COL24A1: variants seen among roughly 807,000 people sequenced by gnomAD.
The protein encoded by COL24A1 is collagen type XXIV alpha 1 chain.
A neutral mutation model predicts 253.9 loss-of-function variants in COL24A1; 224 were observed. The ratio of observed to expected loss-of-function variants is 0.88; its 90% CI spans 0.79 to 0.99. The LOEUF is 0.99. Ranked by LOEUF, COL24A1 falls within the 50% of genes least tolerant of loss-of-function variation. COL24A1 has a pLI of 0.00. For missense variants in COL24A1, 2,131 were observed against 2,068.5 expected, an observed-to-expected ratio of 1.03 and a Z score of -0.59; for synonymous variants, 685 against 673.7, an observed-to-expected ratio of 1.02 and a Z score of -0.26.
intron 14 of COL24A1, among the ~76,000 whole-genome samples, chr1:86,028,476 A>G (rs1698252872): frequency 6.7e-6 from 1 of 150,274 alleles, no homozygotes; most frequent in African/African-American, 2.4e-5. Flanking sequence ...AGCATCTGGC[A>G]TTTCCCCTGT....
rs537632225 is a variant in COL24A1, at chr1:85,947,763, A to T, written c.2562+13486T>A. ...TAATCCAGGCTAATAACTATTTGTA[A>T]TTTTTTTCTCATATTATTAAAATGA... On this transcript the variant is annotated intron_variant, in intron 24 of 59. Coordinates refer to ENST00000370571, the MANE Select transcript of COL24A1 (RefSeq NM_152890.7). Among the ~76,000 whole-genome samples, 87 of 152,234 alleles carry T rather than the reference A, an allele frequency of 5.7e-4. 1 individual carries two copies. In the Middle Eastern group the frequency reaches 0.017, roughly 30 times the overall value.
chr1:85,804,869 T>A (rs1007353174), intron 47 of COL24A1, among the ~76,000 whole-genome samples: 2 of 151,904 alleles, frequency 1.3e-5, no homozygotes, highest in African/African-American at 2.4e-5. Context: ...TTTTTTTTTT[T>A]AGGATTTTGT....
chr1:85,982,202 G>A (rs80255601), intron 20 of COL24A1, among the ~76,000 whole-genome samples: 55 of 152,156 alleles, frequency 3.6e-4, no homozygotes, highest in African/African-American at 7.5e-4. Flanking sequence ...ATCTATAGGC[G>A]GTATGTAAAG....
chr1:86,060,401 G>A (rs12057842), intron 8 of COL24A1, among the ~76,000 whole-genome samples: 16,026 of 152,082 alleles, frequency 0.11, 916 homozygotes, highest in Middle Eastern at 0.2. Flanking sequence ...TGATATAATG[G>A]AAGATAATTG....
intron 7 of COL24A1, among the ~76,000 whole-genome samples, chr1:86,081,333 C>T (rs1702624751): frequency 6.6e-6 from 1 of 151,202 alleles, no homozygotes; most frequent in Non-Finnish European, 1.5e-5. Flanking sequence ...TTGAAAGTGT[C>T]ACTTCCTCTG....
At position 86,125,609 on chromosome 1, in the gene COL24A1, G is replaced by T; in HGVS notation, c.727C>A (p.Arg243Ser). ...TCAGGTTGGTATTTGTCTGCTTGGC[G>T]ACACTGCTGTTTCACATATCTGCAG... Reference protein sequence around the residue: ...DYCRYVKQQCRQADKYQPETS... With the variant: ...DYCRYVKQQCSQADKYQPETS... The change falls in exon 3 of 60, where the codon CGC (arginine) becomes AGC (serine). Residue 243 changes from arginine to serine, a missense_variant. Transcript: ENST00000370571. The T allele has an allele frequency of 6.2e-7, 1 of 1,613,230 alleles. No individual in the cohort carries two copies. The highest frequency in any genetic ancestry group is 1.1e-5 in the South Asian group (1 of 91,028).
chr1:86,021,159 C>A (rs1450694639), intron 18 of COL24A1, among the ~76,000 whole-genome samples: 1 of 152,092 alleles, frequency 6.6e-6, no homozygotes. Flanking sequence ...AGAGGGAACA[C>A]AATGAACTGC....
Position 85,972,297 on chromosome 1 carries a change from T to C in COL24A1, c.2365-904A>G, listed in dbSNP as rs181690026. Among the ~76,000 whole-genome samples, 360 of 148,110 alleles carry C rather than the reference T, an allele frequency of 2.4e-3. 1 individual carries two copies. Among genetic ancestry groups the C allele is most frequent in the Non-Finnish European group, 4.0e-3 (267 of 66,514 alleles). On this transcript the variant is annotated intron_variant, in intron 20 of 59. Coordinates refer to ENST00000370571, the MANE Select transcript of COL24A1 (RefSeq NM_152890.7). ...TCTACTCAGGTCACTTTTATCTTGTTCTGAAATGCAACAGAGTGACAAACT... is the reference window on the plus strand; with the variant it reads ...TCTACTCAGGTCACTTTTATCTTGTCCTGAAATGCAACAGAGTGACAAACT...
intron 18 of COL24A1, 25 bp downstream of exon 18, chr1:86,022,215 G>A (rs747764988): frequency 2.5e-6 from 4 of 1,608,136 alleles, no homozygotes; most frequent in Non-Finnish European, 3.4e-6. Context: ...CAATTACAAA[G>A]AGCAAAGCAA....
chr1:85,952,004 T>A (rs1004366683), intron 24 of COL24A1, among the ~76,000 whole-genome samples: 1 of 152,160 alleles, frequency 6.6e-6, no homozygotes, highest in Non-Finnish European at 1.5e-5. Context: ...GGTCAAAAAA[T>A]GCAATGCTGC....
intron 23 of COL24A1, among the ~76,000 whole-genome samples, chr1:85,961,622 A>G (rs1691074044): frequency 6.6e-6 from 1 of 152,180 alleles, no homozygotes; most frequent in Non-Finnish European, 1.5e-5. Flanking sequence ...ACACTGCTAT[A>G]AAGAACTACC....
intron 12 of COL24A1, among the ~76,000 whole-genome samples, chr1:86,045,237 G>A (rs1197396021): frequency 9.9e-5 from 15 of 152,174 alleles, no homozygotes; most frequent in African/African-American, 3.4e-4. Flanking sequence ...TGATCTGCCC[G>A]ACTCGGCCTC....
At chr1:85,867,312 T>C (rs1679899397) in intron 37 of COL24A1, among the ~76,000 whole-genome samples, 1 of 152,232 alleles carries the variant, frequency 6.6e-6, no homozygotes, top group African/African-American at 2.4e-5. Context: ...TTACTCATAA[T>C]TAGTTCCTCA....
chr1:86,138,032 G>T (rs1398420986), intron 2 of COL24A1, among the ~76,000 whole-genome samples: 2 of 152,016 alleles, frequency 1.3e-5, no homozygotes, highest in East Asian at 3.9e-4. Flanking sequence ...ACCTAATTTT[G>T]CTCCAGCCAA....
intron 14 of COL24A1, among the ~76,000 whole-genome samples, chr1:86,028,284 G>A (rs1051400692): frequency 3.3e-5 from 5 of 152,284 alleles, no homozygotes; most frequent in African/African-American, 1.2e-4. Context: ...TTTGGGAGGA[G>A]CCAGTGGCAG....
chr1:86,028,662 A>C (rs759134878), intron 14 of COL24A1, among the ~76,000 whole-genome samples: 30 of 152,260 alleles, frequency 2.0e-4, no homozygotes, highest in Non-Finnish European at 4.3e-4. Context: ...AGAATGGACT[A>C]ATACAGTTAT....
chr1:85,796,321 TA>T (rs1469958144), intron 47 of COL24A1, among the ~76,000 whole-genome samples: 1 of 152,110 alleles, frequency 6.6e-6, no homozygotes, highest in Non-Finnish European at 1.5e-5. Context: ...TTATCAATCC[TA>T]AAAAATAGTG....
intron 14 of COL24A1, among the ~76,000 whole-genome samples, chr1:86,025,505 C>T (rs921009077): frequency 1.3e-5 from 2 of 152,164 alleles, no homozygotes; most frequent in African/African-American, 4.8e-5. Context: ...ACACGTGATA[C>T]ACATTGTCAC....
At chr1:86,036,186 T>A (rs1698998495) in intron 12 of COL24A1, among the ~76,000 whole-genome samples, 1 of 152,014 alleles carries the variant, frequency 6.6e-6, no homozygotes, top group Admixed American at 6.6e-5. Context: ...GGGGTCTCAC[T>A]TTGTTGCCCA....
Sources: gnomAD v4.1 joint callset for allele counts (sites outside exome capture counted in the v4.1 genomes callset) on GRCh38, gnomAD v4.1.1 for gene constraint, MANE v1.5 for transcripts, NCBI Gene and HGNC (gene_info 2026-07-23, HGNC 2026-07-21) for gene names.